CROCC: variants seen among roughly 807,000 people sequenced by gnomAD.
The protein encoded by CROCC is rootletin.
In CROCC, 180 loss-of-function variants were observed where a neutral mutation model predicts 245.2. The observed-to-expected ratio is 0.73, with a 90% CI of 0.65 to 0.83. The LOEUF (loss-of-function observed/expected upper bound fraction) is 0.83, where lower values mean the gene tolerates loss of function less well. CROCC is among the 40% of genes least tolerant of loss of function. The pLI, the probability that CROCC is intolerant of heterozygous loss-of-function variation, is 0.00. For synonymous variants in CROCC, 1,205 were observed against 1,241.6 expected (o/e 0.97, Z 0.62); for missense variants, 2,688 against 2,779.4 (o/e 0.97, Z 0.74).
intron 25 of CROCC, among the ~76,000 whole-genome samples, chr1:16,956,930 G>A (rs758577674): frequency 6.6e-6 from 1 of 152,166 alleles, no homozygotes; most frequent in African/African-American, 2.4e-5. Flanking sequence ...AAGATGCAAA[G>A]AACAGGAAAT....
At position 16,937,743 on chromosome 1, in the gene CROCC, C is replaced by G. The variant is rs1352115585; in HGVS notation, c.1290+6C>G. 2 of 1,605,162 alleles carry G rather than the reference C, an allele frequency of 1.2e-6. No individual in the cohort carries two copies. Among genetic ancestry groups the G allele is most frequent in the Non-Finnish European group, 1.7e-6 (2 of 1,175,052 alleles). ...CTGAGAAGCTTGAGGCCCTGGTGAGCTGCAGGTGCCCCTGAGATGGGGCAG... is the reference window on the plus strand; with the variant it reads ...CTGAGAAGCTTGAGGCCCTGGTGAGGTGCAGGTGCCCCTGAGATGGGGCAG... On this transcript the variant is annotated splice_donor_region_variant and intron_variant, in intron 10 of 36. Transcript: ENST00000375541.
In CROCC at chr1:16,972,859, T is replaced by G. The variant is rs999888582; in HGVS notation, c.*413T>G. 6.3e-6 allele frequency: 1 copy of G among 159,294 alleles called. No individual in the cohort carries two copies. The highest frequency in any genetic ancestry group is 2.4e-5 in the African/African-American group (1 of 41,688). 9.9% of individuals were successfully genotyped at this position (159,294 alleles called of 1,614,324 possible). The stretch of plus-strand genomic sequence containing the variant: ...TCTCTCCGCCTTAGTTAAGAGCATG[T>G]GTCGGGAAATTCCTCAGAGTGCTCA... On this transcript the variant is annotated 3_prime_UTR_variant, in exon 37 of 37. Transcript: ENST00000375541.
intron 19 of CROCC, 97 bp from the exon 20 acceptor site, chr1:16,950,856 C>G: frequency 9.1e-7 from 1 of 1,098,974 alleles, no homozygotes; most frequent in Admixed American, 3.4e-5. Context: ...CCCTCTGCCT[C>G]TGGGATTTTG....
At chr1:16,916,320 C>T (rs1369230246) in intron 1 of CROCC, among the ~76,000 whole-genome samples, 2 of 152,254 alleles carry the variant, frequency 1.3e-5, no homozygotes, top group East Asian at 3.8e-4. Context: ...AGTAGAGGGC[C>T]TTGGGTAGGG....
At chr1:16,950,448 T>G (rs1229713016) in intron 19 of CROCC, among the ~76,000 whole-genome samples, 3 of 151,320 alleles carry the variant, frequency 2.0e-5, no homozygotes, top group Non-Finnish European at 4.4e-5. Context: ...AACTTCTGCC[T>G]CTTGGGTTCA....
At position 16,966,310 on chromosome 1, in the gene CROCC, C is replaced by A; in HGVS notation, c.4697-98C>A. 7.0e-7 allele frequency: 1 copy of A among 1,431,344 alleles called. No homozygotes were observed. The highest frequency in any genetic ancestry group is 9.3e-7 in the Non-Finnish European group (1 of 1,080,476). The allele number at this position is 1,431,344 out of a possible 1,614,324, so 88.7% of individuals were successfully genotyped here. ...ACTACGAAGGGTGCAGACAGTCTGG[C>A]CCTGCACTGGGTGGAGTGCAGGCTG... On this transcript the variant is annotated intron_variant, in intron 29 of 36. Coordinates refer to ENST00000375541, the MANE Select transcript of CROCC (RefSeq NM_014675.5). This position sits in a 1 kb window ranked among gnomAD's most constrained non-coding sequence, Gnocchi z 4.8.
At chr1:16,931,909 G>A (rs1179878828) in intron 8 of CROCC, among the ~76,000 whole-genome samples, 13 of 151,844 alleles carry the variant, frequency 8.6e-5, no homozygotes, top group East Asian at 1.9e-4. Flanking sequence ...GGCACATGCC[G>A]CCACACCCAG....
At chr1:16,914,967 CAG>C (rs2075286559) in intron 1 of CROCC, among the ~76,000 whole-genome samples, 1 of 152,258 alleles carries the variant, frequency 6.6e-6, no homozygotes, top group Non-Finnish European at 1.5e-5. Context: ...GCTTAATAAA[CAG>C]ATCTTGTGGC....
rs532210229 is a variant in CROCC at position 16,948,513 on chromosome 1, C to T, written c.2697C>T (p.Ala899=). 1.3e-6 allele frequency: 2 copies of T among 1,542,106 alleles called. No individual in the cohort carries two copies. Among genetic ancestry groups the T allele is most frequent in the Non-Finnish European group, 1.7e-6 (2 of 1,144,912 alleles). Residue 899 remains alanine, a synonymous_variant, in exon 18 of 37, where the codon GCC becomes GCT. Transcript: ENST00000375541. The part of the protein sequence containing the change: ...EREGRTLSEE[A]TRLRLEKEAL... ...AAGGCAGGACCCTGTCAGAGGAGGC[C>T]ACACGCCTGCGGTAAGGCCTTGGGC...
At chr1:16,932,000 C>G (rs1483892705) in intron 8 of CROCC, among the ~76,000 whole-genome samples, 1 of 152,096 alleles carries the variant, frequency 6.6e-6, no homozygotes, top group Non-Finnish European at 1.5e-5. Context: ...CTCCTGAGCT[C>G]AAGCAATCAG....
At chr1:16,951,381 G>A in intron 20 of CROCC, 1 of 321,954 alleles carries the variant, frequency 3.1e-6, no homozygotes, top group Non-Finnish European at 5.7e-6. Flanking sequence ...CTGACCTAAT[G>A]TACAGCAGGA....
chr1:16,924,348 G>A lies in CROCC; in HGVS notation c.220G>A (p.Ala74Thr), dbSNP rs1308144916. 6.2e-7 allele frequency: 1 copy of A among 1,612,910 alleles called. No individual in the cohort carries two copies. Among genetic ancestry groups the A allele is most frequent in the Admixed American group, 1.7e-5 (1 of 59,990 alleles). The change falls in exon 3 of 37, where the codon GCA (alanine) becomes ACA (threonine). Residue 74 changes from alanine to threonine, a missense_variant. By Grantham distance (58) the Ala-to-Thr change is moderately conservative. This residue lies in a region of CROCC where 972 missense variants were observed against 895.3 expected (regional missense o/e 1.09). Transcript: ENST00000375541. Reference protein sequence around the residue: ...SPVLLPATEMASLLSLQEENQ... With the variant: ...SPVLLPATEMTSLLSLQEENQ... Reference sequence around the variant, plus strand: ...AGTCCTGCTGCCGGCCACAGAGATGGCATCGCTGCTGTCGCTGCAGGAGGA... The same window carrying A: ...AGTCCTGCTGCCGGCCACAGAGATGACATCGCTGCTGTCGCTGCAGGAGGA...
At chr1:16,949,995 T>C (rs2076132079) in intron 19 of CROCC, among the ~76,000 whole-genome samples, 1 of 151,702 alleles carries the variant, frequency 6.6e-6, no homozygotes, top group African/African-American at 2.4e-5. Context: ...TCTCGAACTC[T>C]TGACCTCAGG....
chr1:16,954,667 C>CGGGTTGGGAGCAGCCCG lies in CROCC; in HGVS notation c.3322-63_3322-47dup, dbSNP rs1553158638. The CGGGTTGGGAGCAGCCCG allele has an allele frequency of 1.1e-5, 16 of 1,481,684 alleles. No homozygotes were observed. The African/African-American group carries it at 2.3e-4, about 21-fold the overall frequency. The allele number at this position is 1,481,684 out of a possible 1,614,324, so 91.8% of individuals were successfully genotyped here. On this transcript the variant is annotated intron_variant, in intron 22 of 36. Coordinates refer to ENST00000375541, the MANE Select transcript of CROCC (RefSeq NM_014675.5). This position sits in a 1 kb window ranked among gnomAD's most constrained non-coding sequence, Gnocchi z 4.4. ...AGCTAAAAGTGGACAGTGCACTGAGCGGGTTGGGAGCAGCCCGGGGCTGGG... is the reference window on the plus strand; with the variant it reads ...AGCTAAAAGTGGACAGTGCACTGAGCGGGTTGGGAGCAGCCCGGGGTTGGGAGCAGCCCGGGGCTGGG...
rs1243349413 is a variant in CROCC at position 16,946,928 on chromosome 1, A to G, written c.2451A>G (p.Ala817=). 10 of 1,563,236 alleles carry G rather than the reference A, an allele frequency of 6.4e-6. No individual in the cohort carries two copies. In the South Asian group the frequency reaches 8.2e-5, roughly 13 times the overall value. ...SLRVAEQAQE[A]LEQQLPTLRH... is the part of the protein sequence containing the mutation. ...GAGTGGCGGAGCAGGCCCAGGAGGC[A>G]TTGGAGCAGCAGCTCCCCACGCTGC... The change falls in exon 17 of 37, where the codon GCA becomes GCG. Residue 817 remains alanine (A), a synonymous_variant. Transcript: ENST00000375541.
intron 36 of CROCC, 83 bp downstream of exon 36, chr1:16,971,730 G>T: frequency 7.6e-7 from 1 of 1,321,118 alleles, no homozygotes; most frequent in South Asian, 1.6e-5. Flanking sequence ...AGACCTTGTG[G>T]GTATAGGCAG....
chr1:16,944,927 T>C (rs1244113017), intron 14 of CROCC, among the ~76,000 whole-genome samples: 2 of 152,276 alleles, frequency 1.3e-5, no homozygotes, highest in Non-Finnish European at 2.9e-5. Flanking sequence ...TTTAAGCACA[T>C]GTGAAGTTTG....
chr1:16,968,904 G>A (rs2076464769), intron 31 of CROCC: 5 of 645,950 alleles, frequency 7.7e-6, no homozygotes, highest in Non-Finnish European at 1.4e-5. Flanking sequence ...TGGCACTCTG[G>A]GCACTAGTAG....
chr1:16,962,545 A>C (rs1557637041), intron 27 of CROCC, among the ~76,000 whole-genome samples: 1 of 141,778 alleles, frequency 7.1e-6, no homozygotes, highest in Non-Finnish European at 1.5e-5. Context: ...AAAAAAAAAA[A>C]AAAAAAAAAA....
Sources: gnomAD v4.1 joint callset for allele counts (sites outside exome capture counted in the v4.1 genomes callset) on GRCh38, gnomAD v4.1.1 for gene constraint, gnomAD v4.1.1 regional missense constraint, Gnocchi (gnomAD v3.1) non-coding constraint, MANE v1.5 for transcripts, NCBI Gene and HGNC (gene_info 2026-07-23, HGNC 2026-07-21) for gene names.